SH3TC2: variants seen among roughly 807,000 people sequenced by gnomAD.
The protein encoded by SH3TC2 is SH3 domain and tetratricopeptide repeat-containing protein 2.
Under a neutral mutation model 124.5 loss-of-function variants are expected in SH3TC2, and 87 were observed. The ratio of observed to expected loss-of-function variants is 0.70; its 90% CI spans 0.59 to 0.84. The LOEUF is 0.84. SH3TC2 is among the 40% of genes least tolerant of loss of function. SH3TC2 has a pLI of 0.00. For missense variants in SH3TC2, 1,536 were observed against 1,566.4 expected, an observed-to-expected ratio of 0.98 and a Z score of 0.33; for synonymous variants, 634 against 628.5, an observed-to-expected ratio of 1.01 and a Z score of -0.13.
At chr5:149,062,318 T>C (rs1292026442) in intron 1 of SH3TC2, 2 of 531,122 alleles carry the variant, frequency 3.8e-6, no homozygotes, top group South Asian at 2.8e-5. Context: ...AGAAGGTTGC[T>C]TCAGGGAGAC....
In SH3TC2 at chr5:148,994,629, TG is replaced by T. The variant is rs1319240455; in HGVS notation, c.*10081del. On this transcript the variant is annotated 3_prime_UTR_variant, in exon 17 of 17. Coordinates refer to ENST00000515425, the MANE Select transcript of SH3TC2 (RefSeq NM_024577.4). Reference sequence around the variant, plus strand: ...TTGGTTGGTTGGTTGGTTGGTTGGTTGGTTGGTTGGTTGGTTGGTTGGTTGG... The same window carrying T: ...TTGGTTGGTTGGTTGGTTGGTTGGTTGTTGGTTGGTTGGTTGGTTGGTTGG... Among the ~76,000 whole-genome samples, 7 of 151,530 alleles carry T rather than the reference TG, an allele frequency of 4.6e-5. No individual in the cohort carries two copies. The South Asian group carries it at 6.3e-4, about 14-fold the overall frequency.
Position 149,028,458 on chromosome 5 carries a change from G to C in SH3TC2, c.1274C>G (p.Ser425Cys). The part of the protein sequence containing the change: ...GSRQSSSSED[S>C]SLEEELLSAT... Reference sequence around the variant, plus strand: ...CGAGAGGAGCTCCTCCTCCAGGCTGGAGTCCTCAGAGCTGCTGGACTGTCT... The same window carrying C: ...CGAGAGGAGCTCCTCCTCCAGGCTGCAGTCCTCAGAGCTGCTGGACTGTCT... Residue 425 changes from serine to cysteine, a missense_variant, in exon 11 of 17, where the codon TCC (serine) becomes TGC (cysteine). Physicochemically the swap from Ser to Cys is moderately radical, Grantham distance 112. Transcript: ENST00000515425. The C allele has an allele frequency of 6.2e-7, 1 of 1,612,944 alleles. No individual in the cohort carries two copies. Among genetic ancestry groups the C allele is most frequent in the Non-Finnish European group, 8.5e-7 (1 of 1,179,394 alleles).
chr5:149,042,481 A>C (rs911843633), intron 5 of SH3TC2, among the ~76,000 whole-genome samples: 1 of 152,184 alleles, frequency 6.6e-6, no homozygotes, highest in Non-Finnish European at 1.5e-5. Flanking sequence ...AGCAGTTCTA[A>C]CATCAATCAG....
chr5:149,042,088 A>G (rs1257081063), intron 5 of SH3TC2, among the ~76,000 whole-genome samples: 1 of 152,192 alleles, frequency 6.6e-6, no homozygotes, highest in East Asian at 1.9e-4. Flanking sequence ...CAATCATAAG[A>G]GTCCTTTTTG....
chr5:149,016,721 C>T (rs969963749), intron 12 of SH3TC2, among the ~76,000 whole-genome samples: 16 of 151,954 alleles, frequency 1.1e-4, no homozygotes, highest in Admixed American at 7.2e-4. Flanking sequence ...GTCAGGAGAT[C>T]GAGACCATCC....
chr5:148,983,879 T>C lies in SH3TC2; in HGVS notation c.*20832A>G, dbSNP rs143160902. Among the ~76,000 whole-genome samples, 2 of 152,314 alleles carry C rather than the reference T, an allele frequency of 1.3e-5. No homozygotes were observed. The highest frequency in any genetic ancestry group is 2.4e-5 in the African/African-American group (1 of 41,568). ...CCTGAAACTGCATGAAGCTTAGGAA[T>C]GAACAGGGAAAGCACATCCAAGAGA... On this transcript the variant is annotated 3_prime_UTR_variant, in exon 17 of 17. Transcript: ENST00000515425.
Position 149,000,971 on chromosome 5 carries a change from G to A in SH3TC2, c.*3740C>T, listed in dbSNP as rs1753587795. The stretch of plus-strand genomic sequence containing the variant: ...CTTTTATCAGAGGACAAATATCTGA[G>A]ATGTGTAGAGGTTAAGTGACTTGCC... On this transcript the variant is annotated 3_prime_UTR_variant, in exon 17 of 17. Transcript: ENST00000515425. 6.6e-6 allele frequency among the ~76,000 whole-genome samples: 1 copy of A among 152,168 alleles called. No homozygotes were observed. Among genetic ancestry groups the A allele is most frequent in the South Asian group, 2.1e-4 (1 of 4,824 alleles).
At chr5:149,010,133 G>T in intron 14 of SH3TC2, 137 bp downstream of exon 14, 1 of 1,163,916 alleles carries the variant, frequency 8.6e-7, no homozygotes, top group Non-Finnish European at 1.3e-6. Context: ...GAGTGAGTAG[G>T]TGGGCACTGG....
At chr5:149,029,913 C>T (rs1754154139) in intron 9 of SH3TC2, among the ~76,000 whole-genome samples, 1 of 152,130 alleles carries the variant, frequency 6.6e-6, no homozygotes, top group African/African-American at 2.4e-5. Context: ...GTCTGTGCCA[C>T]CACCCTGAGT....
intron 12 of SH3TC2, among the ~76,000 whole-genome samples, chr5:149,014,565 C>A (rs762857174): frequency 5.3e-5 from 8 of 152,134 alleles, no homozygotes; most frequent in Non-Finnish European, 1.2e-4. Flanking sequence ...AGGCATTTGG[C>A]CCTTGTAAGA....
At chr5:149,055,539 G>T (rs551066682) in intron 1 of SH3TC2, among the ~76,000 whole-genome samples, 1 of 152,136 alleles carries the variant, frequency 6.6e-6, no homozygotes, top group South Asian at 2.1e-4. Context: ...AGGATATAGA[G>T]CAAGTAGAAT....
intron 1 of SH3TC2, among the ~76,000 whole-genome samples, chr5:149,057,853 G>C (rs1016437651): frequency 6.6e-6 from 1 of 152,198 alleles, no homozygotes; most frequent in Non-Finnish European, 1.5e-5. Flanking sequence ...AGCTCCAAAA[G>C]TGAGCACATA....
Position 148,985,435 on chromosome 5 carries a change from A to G in SH3TC2, c.*19276T>C, listed in dbSNP as rs768441241. Among the ~76,000 whole-genome samples the G allele has an allele frequency of 2.6e-5, 4 of 152,172 alleles. No homozygotes were observed. The highest frequency in any genetic ancestry group is 4.4e-5 in the Non-Finnish European group (3 of 68,018). ...TCTGTTTGCTGATCCTGTAGTTTTTAAAATGCCATATGGATTATATACAGT... is the reference window on the plus strand; with the variant it reads ...TCTGTTTGCTGATCCTGTAGTTTTTGAAATGCCATATGGATTATATACAGT... On this transcript the variant is annotated 3_prime_UTR_variant, in exon 17 of 17. Coordinates refer to ENST00000515425, the MANE Select transcript of SH3TC2 (RefSeq NM_024577.4).
intron 2 of SH3TC2, among the ~76,000 whole-genome samples, chr5:149,051,721 T>C (rs372025552): frequency 5.3e-5 from 8 of 152,200 alleles, no homozygotes; most frequent in African/African-American, 1.9e-4. Flanking sequence ...CCCAAAGTGC[T>C]GGGATTACAG....
At chr5:149,031,437 G>A (rs1754191548) in intron 9 of SH3TC2, 117 bp downstream of exon 9, 1 of 1,399,240 alleles carries the variant, frequency 7.1e-7, no homozygotes, top group Non-Finnish European at 1.0e-6. Context: ...TAGTGGTCAT[G>A]GCCACCCAAA....
chr5:149,048,746 G>A (rs1754508507), intron 2 of SH3TC2, among the ~76,000 whole-genome samples: 1 of 152,142 alleles, frequency 6.6e-6, no homozygotes, highest in Non-Finnish European at 1.5e-5. Context: ...AGTTTCAGAT[G>A]GAGAAGAGCG....
Position 148,991,889 on chromosome 5 carries a change from G to A in SH3TC2, c.*12822C>T, listed in dbSNP as rs544508111. Among the ~76,000 whole-genome samples the A allele has an allele frequency of 6.6e-6, 1 of 152,302 alleles. No individual in the cohort carries two copies. The highest frequency in any genetic ancestry group is 1.9e-4 in the East Asian group (1 of 5,184). ...GAGCCTCCTCTTGCACTGGAAGCTG[G>A]TATGCTGATGATGTCATGGTGGCTC... On this transcript the variant is annotated 3_prime_UTR_variant, in exon 17 of 17. Transcript: ENST00000515425.
rs1753492507 is a variant in SH3TC2, at chr5:148,995,359, GA to G, written c.*9351del. Among the ~76,000 whole-genome samples, 1 of 152,120 alleles carries G rather than the reference GA, an allele frequency of 6.6e-6. No homozygotes were observed. Among genetic ancestry groups the G allele is most frequent in the African/African-American group, 2.4e-5 (1 of 41,420 alleles). ...GTCACCTTCTTTGGAGGATCATTTG[GA>G]GGATCAAATCCTATACTGTGGGTAA... On this transcript the variant is annotated 3_prime_UTR_variant, in exon 17 of 17. Coordinates refer to ENST00000515425, the MANE Select transcript of SH3TC2 (RefSeq NM_024577.4).
rs1753650072 is a variant in SH3TC2 at position 149,004,487 on chromosome 5, G to C, written c.*224C>G. ...GGAAGGCAACAGTCAACCGGTAAAG[G>C]CTCCAGATGCAAAGCCTGGAACCAG... On this transcript the variant is annotated 3_prime_UTR_variant, in exon 17 of 17. Coordinates refer to ENST00000515425, the MANE Select transcript of SH3TC2 (RefSeq NM_024577.4). 3.5e-6 allele frequency: 2 copies of C among 571,398 alleles called. No individual in the cohort carries two copies. Among genetic ancestry groups the C allele is most frequent in the Non-Finnish European group, 6.2e-6 (2 of 322,994 alleles). 35.4% of individuals were successfully genotyped at this position (571,398 alleles called of 1,614,324 possible). A position where few individuals can be genotyped will look rare whatever the true frequency, so the allele number is the denominator to read the frequency against.
Sources: gnomAD v4.1 joint callset for allele counts (sites outside exome capture counted in the v4.1 genomes callset) on GRCh38, gnomAD v4.1.1 for gene constraint, MANE v1.5 for transcripts, NCBI Gene and HGNC (gene_info 2026-07-23, HGNC 2026-07-21) for gene names.